TAF13: variants seen among roughly 807,000 people sequenced by gnomAD.
The protein encoded by TAF13 is transcription initiation factor TFIID subunit 13.
In TAF13, 9 loss-of-function variants were observed where a neutral mutation model predicts 18.7. The observed-to-expected ratio is 0.48, with a 90% confidence interval of 0.29 to 0.84. The LOEUF (loss-of-function observed/expected upper bound fraction) is 0.84. TAF13 is among the 40% of genes least tolerant of loss of function. The pLI is 0.08. For synonymous variants in TAF13, 49 were observed against 44.1 expected (o/e 1.11, Z -0.44); for missense variants, 105 against 146.5 (o/e 0.72, Z 1.46).
At chr1:109,066,613 TG>T (rs1557984238) in intron 2 of TAF13, among the ~76,000 whole-genome samples, 1 of 152,206 alleles carries the variant, frequency 6.6e-6, no homozygotes, top group Non-Finnish European at 1.5e-5. Flanking sequence ...TTTTTGTGTG[TG>T]GGCATGGCAG....
At chr1:109,073,471 G>T (rs1217786524) in intron 2 of TAF13, among the ~76,000 whole-genome samples, 2 of 152,180 alleles carry the variant, frequency 1.3e-5, no homozygotes, top group Non-Finnish European at 2.9e-5. Context: ...CTGTACTGCA[G>T]CGATCTGGGA....
intron 3 of TAF13, among the ~76,000 whole-genome samples, chr1:109,065,652 T>C (rs1383500181): frequency 6.6e-6 from 1 of 151,894 alleles, no homozygotes; most frequent in Non-Finnish European, 1.5e-5. Context: ...GCTGGGCGCG[T>C]TGGCTCACGC....
intron 2 of TAF13, among the ~76,000 whole-genome samples, chr1:109,072,481 G>A (rs764689878): frequency 1.3e-5 from 2 of 151,998 alleles, no homozygotes; most frequent in African/African-American, 2.4e-5. Context: ...GTCTGGTTTC[G>A]TCACCAAGGC....
At position 109,064,156 on chromosome 1, in the gene TAF13, C is replaced by CATAAAAA. The variant is rs1553242669; in HGVS notation, c.*366_*367insTTTTTAT. 2.1e-5 allele frequency: 1 copy of CATAAAAA among 47,096 alleles called. No homozygotes were observed. The highest frequency in any genetic ancestry group is 9.9e-5 in the African/African-American group (1 of 10,062). The allele number at this position is 47,096 out of a possible 1,614,324, so 2.9% of individuals were successfully genotyped here. A position where few individuals can be genotyped will look rare whatever the true frequency, so the allele number is the denominator to read the frequency against. On this transcript the variant is annotated 3_prime_UTR_variant, in exon 4 of 4. Transcript: ENST00000338366. ...CTGCCAACATAGTGAGACTCCATCT[C>CATAAAAA]AAAAAAAAAAAAAAAAAAAAAAAAA...
At chr1:109,075,885 A>G in intron 1 of TAF13, 36 bp downstream of exon 1, 2 of 1,614,178 alleles carry the variant, frequency 1.2e-6, no homozygotes, top group African/African-American at 1.3e-5. Flanking sequence ...GAAGGAGTGA[A>G]GAAAAGACAG....
At position 109,064,493 on chromosome 1, in the gene TAF13, G is replaced by C. The variant is rs6604757; in HGVS notation, c.*30C>G. On this transcript the variant is annotated 3_prime_UTR_variant, in exon 4 of 4. Transcript: ENST00000338366. ...ACAATTATTATATATGGTTTCCCCA[G>C]ATGGTAATTTTCGGAAACTACAAAA... is the stretch of plus-strand genomic sequence containing the variant. The C allele has an allele frequency of 1.4e-6, 2 of 1,395,594 alleles. No homozygotes were observed. The highest frequency in any genetic ancestry group is 3.0e-5 in the African/African-American group (2 of 67,664). The allele number at this position is 1,395,594 out of a possible 1,614,324, so 86.5% of individuals were successfully genotyped here.
At chr1:109,070,375 C>T (rs1322623680) in intron 2 of TAF13, among the ~76,000 whole-genome samples, 4 of 152,098 alleles carry the variant, frequency 2.6e-5, no homozygotes, top group African/African-American at 9.7e-5. Context: ...CAGGCCACCA[C>T]GCCCAGCTAA....
At chr1:109,075,855 C>T in intron 1 of TAF13, 66 bp downstream of exon 1, 2 of 1,607,292 alleles carry the variant, frequency 1.2e-6, no homozygotes, top group Admixed American at 3.3e-5. Flanking sequence ...ATCCTGAACT[C>T]TGCCTCCGCT....
intron 2 of TAF13, among the ~76,000 whole-genome samples, chr1:109,073,900 C>A (rs1217064032): frequency 6.6e-6 from 1 of 151,936 alleles, no homozygotes; most frequent in Non-Finnish European, 1.5e-5. Flanking sequence ...TGCTCGGCCG[C>A]TACTCCGTCT....
chr1:109,073,655 G>A lies in TAF13; in HGVS notation c.106+1332C>T, dbSNP rs538685530. On this transcript the variant is annotated intron_variant, in intron 2 of 3. Coordinates refer to ENST00000338366, the MANE Select transcript of TAF13 (RefSeq NM_005645.4). ...GTGCCGGGATTCCAGACGGAGTCTC[G>A]CTCACTCAGTGCTCAATGCTGCCCA... Among the ~76,000 whole-genome samples the A allele has an allele frequency of 5.3e-5, 8 of 152,284 alleles. No individual in the cohort carries two copies. The South Asian group carries it at 1.7e-3, about 32-fold the overall frequency.
chr1:109,072,742 G>T (rs1664097358), intron 2 of TAF13, among the ~76,000 whole-genome samples: 1 of 149,086 alleles, frequency 6.7e-6, no homozygotes, highest in Non-Finnish European at 1.5e-5. Flanking sequence ...ACTGCATCTA[G>T]CCTCCATGTC....
rs576056259 is a variant in TAF13, at chr1:109,065,395, G to T, written c.205-702C>A. 3.9e-5 allele frequency among the ~76,000 whole-genome samples: 6 copies of T among 152,014 alleles called. No homozygotes were observed. In the East Asian group the frequency reaches 1.2e-3, roughly 29 times the overall value. ...TCCCAGGTATTTGGGAGGCTGAGGT[G>T]GGAGGACCACTTGAGTCCGGAAGGT... On this transcript the variant is annotated intron_variant, in intron 3 of 3. Transcript: ENST00000338366.
chr1:109,069,560 G>C (rs971953338), intron 2 of TAF13, among the ~76,000 whole-genome samples: 2 of 151,908 alleles, frequency 1.3e-5, no homozygotes, highest in Non-Finnish European at 2.9e-5. Context: ...ATGACATAGA[G>C]AGCCGACTGT....
chr1:109,074,141 G>A (rs1034529116), intron 2 of TAF13, among the ~76,000 whole-genome samples: 3 of 152,228 alleles, frequency 2.0e-5, no homozygotes, highest in Non-Finnish European at 4.4e-5. Context: ...AGAAAACGGG[G>A]AAATGTGGGG....
Position 109,073,808 on chromosome 1 carries a change from G to A in TAF13, c.106+1179C>T, listed in dbSNP as rs567127037. On this transcript the variant is annotated intron_variant, in intron 2 of 3. Transcript: ENST00000338366. ...CCACCCCGTCTAGGAATTGAGGAGC[G>A]TCTCTGCCTGGCTGCCCATCCCCTG... 3.3e-3 allele frequency among the ~76,000 whole-genome samples: 503 copies of A among 152,280 alleles called. 1 individual carries two copies. Among genetic ancestry groups the A allele is most frequent in the Non-Finnish European group, 5.8e-3 (392 of 68,000 alleles).
chr1:109,075,116 G>T, intron 1 of TAF13, 51 bp from the exon 2 acceptor site: 1 of 1,431,576 alleles, frequency 7.0e-7, no homozygotes, highest in South Asian at 1.3e-5. Flanking sequence ...CCTTGCATTT[G>T]ATATTTTAAT....
chr1:109,066,095 AT>A (rs1663947251), intron 3 of TAF13, 39 bp downstream of exon 3: 1 of 1,523,492 alleles, frequency 6.6e-7, no homozygotes, highest in Non-Finnish European at 9.0e-7. Flanking sequence ...TTTCAAATCT[AT>A]TCTTCAATTA....
At chr1:109,070,681 A>T (rs1344567195) in intron 2 of TAF13, among the ~76,000 whole-genome samples, 1 of 152,016 alleles carries the variant, frequency 6.6e-6, no homozygotes, top group Non-Finnish European at 1.5e-5. Flanking sequence ...GGCATGAGCC[A>T]CCGTACCCAG....
chr1:109,068,827 C>G (rs1663996045), intron 2 of TAF13, among the ~76,000 whole-genome samples: 7 of 152,138 alleles, frequency 4.6e-5, no homozygotes, highest in Admixed American at 3.3e-4. Flanking sequence ...CATGGTGAAA[C>G]CCCGTCTCTA....
Sources: allele counts gnomAD v4.1 joint callset (sites outside exome capture counted in the v4.1 genomes callset), GRCh38; gene constraint gnomAD v4.1.1; transcripts MANE v1.5; gene names NCBI Gene and HGNC (gene_info 2026-07-23, HGNC 2026-07-21).